Variants in PUS7 observed in about 807,000 individuals in gnomAD.
PUS7 encodes the protein pseudouridylate synthase 7 homolog.
PUS7 carries 48 observed loss-of-function variants against 79.8 expected under a neutral mutation model. The ratio of observed to expected loss-of-function variants is 0.60; its 90% CI spans 0.48 to 0.76. The LOEUF (loss-of-function observed/expected upper bound fraction) is 0.76. Ranked by LOEUF, PUS7 falls within the 30% of genes least tolerant of loss-of-function variation. The pLI is 0.00. For synonymous variants in PUS7, 286 were observed against 272.2 expected (o/e 1.05, Z -0.50); for missense variants, 729 against 797.6 (o/e 0.91, Z 1.04).
At chr7:105,496,260 GAC>G (rs10529724) in intron 5 of PUS7, among the ~76,000 whole-genome samples, 114,325 of 118,622 alleles carry the variant, frequency 0.96, 55,017 homozygotes, top group Admixed American at 0.98. Context: ...GAGAGGGAGA[GAC>G]ACATACATAT....
At chr7:105,487,734 A>T (rs996041373) in intron 7 of PUS7, among the ~76,000 whole-genome samples, 3 of 152,232 alleles carry the variant, frequency 2.0e-5, no homozygotes, top group African/African-American at 7.2e-5. Flanking sequence ...AGAAAACCTT[A>T]ATTAACAAAG....
intron 7 of PUS7, among the ~76,000 whole-genome samples, chr7:105,490,406 A>G (rs1328524828): frequency 6.6e-6 from 1 of 152,114 alleles, no homozygotes; most frequent in African/African-American, 2.4e-5. Context: ...CAGTACAGCT[A>G]TTAAATTCAT....
intron 7 of PUS7, among the ~76,000 whole-genome samples, chr7:105,490,333 C>A (rs1329295402): frequency 6.6e-6 from 1 of 152,092 alleles, no homozygotes; most frequent in African/African-American, 2.4e-5. Context: ...TATGTTATTT[C>A]TCTCTCCCAC....
chr7:105,491,995 T>C (rs1249367137), intron 6 of PUS7, among the ~76,000 whole-genome samples: 1 of 146,714 alleles, frequency 6.8e-6, no homozygotes, highest in East Asian at 2.0e-4. Flanking sequence ...AGGCTGAGGT[T>C]GCAGTGAGCT....
rs533274559 is a variant in PUS7, at chr7:105,481,892, G to A, written c.1049+420C>T. Among the ~76,000 whole-genome samples the A allele has an allele frequency of 3.6e-3, 554 of 152,060 alleles. 1 individual carries two copies. The highest frequency in any genetic ancestry group is 6.8e-3 in the Middle Eastern group (2 of 294). On this transcript the variant is annotated intron_variant, in intron 8 of 15. Transcript: ENST00000469408. ...ACTACAGGTGTCTGCCACCACGCCC[G>A]GCTAATTTTTTGTATTTTTAGTAGA... is the stretch of plus-strand genomic sequence containing the variant.
At chr7:105,514,241 A>G (rs1825808272) in intron 1 of PUS7, among the ~76,000 whole-genome samples, 1 of 136,658 alleles carries the variant, frequency 7.3e-6, no homozygotes. Context: ...AAAAAAAAAA[A>G]AAAATAGTTA....
intron 1 of PUS7, 53 bp from the exon 2 acceptor site, chr7:105,508,597 G>A: frequency 6.5e-7 from 1 of 1,531,148 alleles, no homozygotes. Context: ...CTGGTTTCAG[G>A]CCGGGCGCGG....
chr7:105,484,495 T>C (rs1010504524), intron 7 of PUS7, among the ~76,000 whole-genome samples: 6 of 105,130 alleles, frequency 5.7e-5, no homozygotes, highest in African/African-American at 2.0e-4. Context: ...GTTAAATTCA[T>C]GAATCTTTTT....
chr7:105,486,917 G>A (rs1276414872), intron 7 of PUS7, among the ~76,000 whole-genome samples: 2 of 152,058 alleles, frequency 1.3e-5, no homozygotes, highest in East Asian at 3.9e-4. Flanking sequence ...AAAATTGGCA[G>A]GGCATGGTGG....
At chr7:105,475,279 G>A (rs536907706) in intron 9 of PUS7, among the ~76,000 whole-genome samples, 49 of 152,156 alleles carry the variant, frequency 3.2e-4, no homozygotes, top group Non-Finnish European at 5.9e-4. Context: ...TCCGCCTCCC[G>A]GGTTCACGCC....
At chr7:105,496,220 T>TAGAGAGAGAG (rs1350234352) in intron 5 of PUS7, among the ~76,000 whole-genome samples, 52 of 83,276 alleles carry the variant, frequency 6.2e-4, no homozygotes, top group Admixed American at 1.0e-3. Context: ...TATATATATA[T>TAGAGAGAGAG]ATATATAGAG....
intron 13 of PUS7, among the ~76,000 whole-genome samples, chr7:105,463,007 G>A (rs1289075481): frequency 6.6e-6 from 1 of 152,160 alleles, no homozygotes; most frequent in Admixed American, 6.6e-5. Context: ...TGTGGTGTAA[G>A]GTTCCCAAGC....
At chr7:105,516,501 T>C (rs146130240) in intron 1 of PUS7, among the ~76,000 whole-genome samples, 20,764 of 151,726 alleles carry the variant, frequency 0.14, 1,843 homozygotes, top group South Asian at 0.26. Context: ...TGGAGTGCAA[T>C]GGCGTGATCT....
chr7:105,472,109 C>T, intron 10 of PUS7, 23 bp downstream of exon 10: 1 of 1,531,068 alleles, frequency 6.5e-7, no homozygotes, highest in Admixed American at 1.7e-5. Context: ...TATTTATTTT[C>T]TTAACATGAA....
rs769070806 is a variant in PUS7 at position 105,508,188 on chromosome 7, G to A, written c.325C>T (p.Leu109Phe). Residue 109 changes from leucine (L) to phenylalanine (F), a missense_variant, in exon 2 of 16, where the codon CTC becomes TTC. Transcript: ENST00000469408. ...ESFADMMKHG[L>F]TEADVGITKF... is the part of the protein sequence containing the mutation. ...GTGATGCCTACGTCAGCCTCAGTGA[G>A]TCCATGCTTCATCATGTCTGCAAAA... is the stretch of plus-strand genomic sequence containing the variant. 6.2e-7 allele frequency: 1 copy of A among 1,614,116 alleles called. No individual in the cohort carries two copies. Among genetic ancestry groups the A allele is most frequent in the Non-Finnish European group, 8.5e-7 (1 of 1,180,024 alleles).
chr7:105,482,512 C>T, intron 7 of PUS7, 72 bp from the exon 8 acceptor site: 1 of 1,472,468 alleles, frequency 6.8e-7, no homozygotes. Context: ...TGATTGTCTG[C>T]TTGGAACAGT....
chr7:105,459,489 G>A (rs1160728486), intron 14 of PUS7, among the ~76,000 whole-genome samples: 1 of 150,496 alleles, frequency 6.6e-6, no homozygotes, highest in Non-Finnish European at 1.5e-5. Flanking sequence ...CTAGGCTGGA[G>A]TGCAGTGGTG....
Position 105,492,934 on chromosome 7 carries a change from C to T in PUS7, c.843-1317G>A, listed in dbSNP as rs576608971. ...CTAGGATTACAGGGGTGAGCCACTG[C>T]GCCCAGTCAATAATTCCTTTCTTAG... On this transcript the variant is annotated intron_variant, in intron 6 of 15. Coordinates refer to ENST00000469408, the MANE Select transcript of PUS7 (RefSeq NM_019042.5). 3.9e-5 allele frequency among the ~76,000 whole-genome samples: 6 copies of T among 152,304 alleles called. No homozygotes were observed. In the East Asian group the frequency reaches 7.7e-4, roughly 20 times the overall value.
rs376821001 is a variant in PUS7 at position 105,502,529 on chromosome 7, G to A, written c.621C>T (p.Ile207=). 6.2e-7 allele frequency: 1 copy of A among 1,613,992 alleles called. No homozygotes were observed. The highest frequency in any genetic ancestry group is 8.5e-7 in the Non-Finnish European group (1 of 1,179,962). Residue 207 remains isoleucine, a synonymous_variant, in exon 5 of 16, where the codon ATC becomes ATT. Coordinates refer to ENST00000469408, the MANE Select transcript of PUS7 (RefSeq NM_019042.5). ...GAAACAGAGATTTGATAGCCTGATG[G>A]ATGATGGTTCTTTTCTCTTTGGTGT... is the stretch of plus-strand genomic sequence containing the variant. ...IEDTKEKRTI[I]HQAIKSLFPG...
Sources: gnomAD v4.1 joint callset for allele counts (sites outside exome capture counted in the v4.1 genomes callset) on GRCh38, gnomAD v4.1.1 for gene constraint, MANE v1.5 for transcripts, NCBI Gene and HGNC (gene_info 2026-07-23, HGNC 2026-07-21) for gene names.